The following CADPS2 variants were observed in gnomAD, a reference collection of about 807,000 sequenced individuals.
CADPS2 encodes the protein calcium-dependent secretion activator 2.
A neutral mutation model predicts 172.5 loss-of-function variants in CADPS2; 93 were observed. That is an observed-to-expected ratio of 0.54 (90% CI 0.46 to 0.64). CADPS2 has a LOEUF of 0.64. Among genes scored for constraint, CADPS2 ranks in the 30% least tolerant of loss-of-function variants. The pLI is 0.00. For synonymous variants in CADPS2, 546 were observed against 555.2 expected (o/e 0.98, Z 0.23); for missense variants, 1,420 against 1,565.9 (o/e 0.91, Z 1.57).
chr7:122,380,340 G>C (rs537259177), intron 24 of CADPS2, among the ~76,000 whole-genome samples: 45 of 152,154 alleles, frequency 3.0e-4, no homozygotes, highest in Non-Finnish European at 5.9e-4. Flanking sequence ...ACCCTATCTT[G>C]ATGGTTCAAG....
At chr7:122,815,385 C>T (rs17144947) in intron 1 of CADPS2, among the ~76,000 whole-genome samples, 30,156 of 151,972 alleles carry the variant, frequency 0.2, 3,110 homozygotes, top group Middle Eastern at 0.3. Flanking sequence ...GCTTTTATCC[C>T]ACATCTGGAA....
rs1382454098 is a variant in CADPS2, at chr7:122,810,490, C to T, written c.340-73422G>A. On this transcript the variant is annotated intron_variant, in intron 1 of 29. Transcript: ENST00000449022. The stretch of plus-strand genomic sequence containing the variant: ...GAGGAATTTTGGAGACCACAGTAAT[C>T]AGGGATTCTCAAACTTTAAAGTAAA... Among the ~76,000 whole-genome samples, 7 of 152,184 alleles carry T rather than the reference C, an allele frequency of 4.6e-5. No homozygotes were observed. The South Asian group carries it at 1.4e-3, about 31-fold the overall frequency.
At chr7:122,582,039 T>A (rs560224551) in intron 6 of CADPS2, among the ~76,000 whole-genome samples, 15 of 152,076 alleles carry the variant, frequency 9.9e-5, no homozygotes, top group Non-Finnish European at 2.2e-4. Flanking sequence ...AAAAATCTTA[T>A]CAATATTTCT....
chr7:122,649,758 T>C (rs2078938370), intron 3 of CADPS2, among the ~76,000 whole-genome samples: 1 of 152,176 alleles, frequency 6.6e-6, no homozygotes, highest in Non-Finnish European at 1.5e-5. Flanking sequence ...TATACATCTA[T>C]ACCATTTATA....
intron 1 of CADPS2, among the ~76,000 whole-genome samples, chr7:122,792,282 G>T (rs1795448065): frequency 6.6e-6 from 1 of 152,062 alleles, no homozygotes; most frequent in African/African-American, 2.4e-5. Flanking sequence ...TTTGGAGGTG[G>T]GCTCTTAAGA....
At chr7:122,585,279 TAAG>T (rs1431849783) in intron 6 of CADPS2, among the ~76,000 whole-genome samples, 2 of 151,876 alleles carry the variant, frequency 1.3e-5, no homozygotes, top group Non-Finnish European at 2.9e-5. Flanking sequence ...AAACAATAAA[TAAG>T]AAACTTTCTT....
At chr7:122,404,511 A>G (rs1422648233) in intron 20 of CADPS2, among the ~76,000 whole-genome samples, 1 of 152,148 alleles carries the variant, frequency 6.6e-6, no homozygotes, top group Non-Finnish European at 1.5e-5. Flanking sequence ...TATACCCAGT[A>G]ATGCGATTGC....
At chr7:122,519,581 G>A (rs932496694) in intron 8 of CADPS2, among the ~76,000 whole-genome samples, 16 of 151,866 alleles carry the variant, frequency 1.1e-4, no homozygotes, top group African/African-American at 3.6e-4. Context: ...TATTTCAAAC[G>A]GAGAGCACTA....
intron 1 of CADPS2, among the ~76,000 whole-genome samples, chr7:122,834,508 C>T (rs1048869892): frequency 1.3e-5 from 2 of 151,620 alleles, no homozygotes; most frequent in Admixed American, 6.6e-5. Context: ...CCGGGGAGCA[C>T]AAGGGGTAAG....
intron 2 of CADPS2, chr7:122,698,628 G>A (rs1333344466): frequency 1.2e-6 from 2 of 1,613,914 alleles, no homozygotes; most frequent in Non-Finnish European, 1.7e-6. Context: ...AGGTCTCTGA[G>A]TACTTTGATC....
chr7:122,374,161 A>G (rs74769178), intron 25 of CADPS2, among the ~76,000 whole-genome samples: 6,045 of 152,270 alleles, frequency 0.04, 389 homozygotes, highest in African/African-American at 0.14. Flanking sequence ...CACCAAGATC[A>G]TCTCCATAGA....
chr7:122,621,546 C>A lies in CADPS2; in HGVS notation c.1039G>T (p.Asp347Tyr). ...TGAATCTCATTCTCATCTCCTATGT[C>A]CAAAAATGCAGAGTTCTGTGAACGT... is the stretch of plus-strand genomic sequence containing the variant. ...LKRSQNSAFLDIGDENEIQLS... is the reference protein window; with the variant it reads ...LKRSQNSAFLYIGDENEIQLS... The change falls in exon 5 of 30, where the codon GAC becomes TAC. Residue 347 changes from aspartate to tyrosine, a missense_variant. Asp to Tyr is a radical substitution (Grantham distance 160). Transcript: ENST00000449022. 6.2e-7 allele frequency: 1 copy of A among 1,613,778 alleles called. No homozygotes were observed. Among genetic ancestry groups the A allele is most frequent in the Non-Finnish European group, 8.5e-7 (1 of 1,179,806 alleles).
intron 1 of CADPS2, among the ~76,000 whole-genome samples, chr7:122,840,602 G>C (rs1036284701): frequency 2.0e-5 from 3 of 151,266 alleles, no homozygotes; most frequent in Admixed American, 6.6e-5. Flanking sequence ...AAAAACTTAG[G>C]GTAGGCCGAA....
rs1394469257 is a variant in CADPS2 at position 122,379,375 on chromosome 7, A to G, written c.3380T>C (p.Val1127Ala). Residue 1127 changes from valine to alanine, a missense_variant, in exon 25 of 30, where the codon GTT becomes GCT. Transcript: ENST00000449022. ...GAATAAATAATACATTACCTTTGAA[A>G]CTAACAGTGAAATGATTTCTTTTAC... ...NSVKEIISLL[V>A]SKFVSVLEGV... 6.3e-7 allele frequency: 1 copy of G among 1,587,716 alleles called. No individual in the cohort carries two copies. Among genetic ancestry groups the G allele is most frequent in the Non-Finnish European group, 8.6e-7 (1 of 1,159,696 alleles).
At chr7:122,685,629 T>C (rs2083531557) in intron 2 of CADPS2, among the ~76,000 whole-genome samples, 1 of 152,246 alleles carries the variant, frequency 6.6e-6, no homozygotes, top group Admixed American at 6.5e-5. Flanking sequence ...CTCTGTCTTT[T>C]GTAGTTCCCT....
At position 122,436,043 on chromosome 7, in the gene CADPS2, T is replaced by C. The variant is rs190145428; in HGVS notation, c.2476+2298A>G. Reference sequence around the variant, plus strand: ...AAGATATAGAAGTTCTAGGGACCTATTATACAGCAGAATGCCTATAGTTAG... The same window carrying C: ...AAGATATAGAAGTTCTAGGGACCTACTATACAGCAGAATGCCTATAGTTAG... On this transcript the variant is annotated intron_variant, in intron 17 of 29. Transcript: ENST00000449022. 2.3e-3 allele frequency among the ~76,000 whole-genome samples: 349 copies of C among 152,200 alleles called. 2 individuals carry two copies. The highest frequency in any genetic ancestry group is 3.6e-3 in the Non-Finnish European group (244 of 67,978).
chr7:122,886,443 C>T lies in CADPS2; in HGVS notation c.-106G>A, dbSNP rs1233953499. 2.2e-6 allele frequency: 3 copies of T among 1,387,668 alleles called. No individual in the cohort carries two copies. The highest frequency in any genetic ancestry group is 2.8e-6 in the Non-Finnish European group (3 of 1,080,534). The allele number at this position is 1,387,668 out of a possible 1,614,324, so 86.0% of individuals were successfully genotyped here. A position where few individuals can be genotyped will look rare whatever the true frequency, so the allele number is the denominator to read the frequency against. ...GCCGCGGGGCTGGCTGCAGCGGCCG[C>T]AGAACGAAAGGAAAACTGGCCAGGG... On this transcript the variant is annotated 5_prime_UTR_variant, in exon 1 of 30. Coordinates refer to ENST00000449022, the MANE Select transcript of CADPS2 (RefSeq NM_017954.11).
chr7:122,737,625 G>T (rs1242741133), intron 1 of CADPS2, among the ~76,000 whole-genome samples: 4 of 152,124 alleles, frequency 2.6e-5, no homozygotes, highest in African/African-American at 9.7e-5. Flanking sequence ...TATGGAAGTG[G>T]AATCCAAATT....
At chr7:122,790,337 T>C (rs538258598) in intron 1 of CADPS2, among the ~76,000 whole-genome samples, 8 of 148,330 alleles carry the variant, frequency 5.4e-5, no homozygotes, top group Non-Finnish European at 8.9e-5. Context: ...CATTCACAGC[T>C]GCAGTGAGGT....
Sources: allele counts gnomAD v4.1 joint callset (sites outside exome capture counted in the v4.1 genomes callset), GRCh38; gene constraint gnomAD v4.1.1; transcripts MANE v1.5; gene names NCBI Gene and HGNC (gene_info 2026-07-23, HGNC 2026-07-21).